The following GRIA2 variants were observed in gnomAD, a reference collection of about 807,000 sequenced individuals.
The protein encoded by GRIA2 is glutamate ionotropic receptor AMPA type subunit 2.
A neutral mutation model predicts 97.3 loss-of-function variants in GRIA2; 14 were observed. That is an observed-to-expected ratio of 0.14 (90% CI 0.10 to 0.23). The LOEUF (loss-of-function observed/expected upper bound fraction) is 0.23. GRIA2 is among the 10% of genes least tolerant of loss of function. GRIA2 has a pLI of 1.00. For missense variants in GRIA2, 558 were observed against 1,069.8 expected (o/e 0.52, Z 6.67); for synonymous variants, 412 against 387.8 (o/e 1.06, Z -0.73).
At chr4:157,229,114 A>G (rs1729887694) in intron 2 of GRIA2, among the ~76,000 whole-genome samples, 1 of 152,176 alleles carries the variant, frequency 6.6e-6, no homozygotes, top group Admixed American at 6.5e-5. Flanking sequence ...TACATTTTAG[A>G]TGGTATCTAG....
At chr4:157,336,993 A>G (rs1278211403) in intron 11 of GRIA2, among the ~76,000 whole-genome samples, 2 of 152,084 alleles carry the variant, frequency 1.3e-5, no homozygotes, top group African/African-American at 4.8e-5. Context: ...TAAAATGCAT[A>G]AGGTTCCTAT....
intron 2 of GRIA2, among the ~76,000 whole-genome samples, chr4:157,230,849 A>C (rs1396213599): frequency 6.6e-6 from 1 of 151,186 alleles, no homozygotes; most frequent in African/African-American, 2.4e-5. Context: ...TTTTCCTTTT[A>C]TTTTATTTTA....
At chr4:157,250,363 T>G (rs1035442489) in intron 2 of GRIA2, among the ~76,000 whole-genome samples, 1 of 152,140 alleles carries the variant, frequency 6.6e-6, no homozygotes, top group Non-Finnish European at 1.5e-5. Flanking sequence ...TGGGCTGTTT[T>G]CTATCTTATC....
At chr4:157,259,862 A>T (rs1271467492) in intron 2 of GRIA2, among the ~76,000 whole-genome samples, 3 of 152,090 alleles carry the variant, frequency 2.0e-5, no homozygotes, top group African/African-American at 4.8e-5. Context: ...TTCTTTTATG[A>T]TACTTAACTA....
At chr4:157,357,484 T>C (rs534730642) in intron 12 of GRIA2, among the ~76,000 whole-genome samples, 78 of 152,260 alleles carry the variant, frequency 5.1e-4, no homozygotes, top group African/African-American at 1.8e-3. Context: ...TTCTGACTTA[T>C]GAAAAAAGTT....
chr4:157,280,874 A>G (rs1210526077), intron 2 of GRIA2, among the ~76,000 whole-genome samples: 1 of 151,974 alleles, frequency 6.6e-6, no homozygotes, highest in Non-Finnish European at 1.5e-5. Flanking sequence ...GTAACAGTCT[A>G]TTGTGGTCTG....
At chr4:157,278,054 T>C (rs1732427763) in intron 2 of GRIA2, among the ~76,000 whole-genome samples, 1 of 151,436 alleles carries the variant, frequency 6.6e-6, no homozygotes, top group South Asian at 2.1e-4. Flanking sequence ...CAACTTGATT[T>C]ATAGATTCAA....
In GRIA2 at chr4:157,303,592, A is replaced by G. The variant is rs1439293449; in HGVS notation, c.270A>G (p.Gly90=). The G allele has an allele frequency of 1.2e-6, 2 of 1,613,502 alleles. No homozygotes were observed. The highest frequency in any genetic ancestry group is 1.7e-5 in the Admixed American group (1 of 59,972). Residue 90 remains glycine, a synonymous_variant, in exon 3 of 16, where the codon GGA becomes GGG. Transcript: ENST00000264426. ...CGAGAGGAGTCTATGCTATTTTTGG[A>G]TTTTATGACAAGAAGTCTGTAAATA... ...QFSRGVYAIF[G]FYDKKSVNTI...
intron 6 of GRIA2, among the ~76,000 whole-genome samples, chr4:157,324,198 T>C (rs1032322855): frequency 6.6e-5 from 10 of 152,190 alleles, no homozygotes; most frequent in African/African-American, 2.2e-4. Flanking sequence ...TTTAACATTT[T>C]ATAATCCCTC....
At chr4:157,273,815 T>C (rs1732149213) in intron 2 of GRIA2, among the ~76,000 whole-genome samples, 2 of 152,038 alleles carry the variant, frequency 1.3e-5, no homozygotes, top group South Asian at 4.2e-4. Flanking sequence ...GAACTAATAA[T>C]GACTGAGAAT....
At chr4:157,240,516 A>G (rs1183499000) in intron 2 of GRIA2, among the ~76,000 whole-genome samples, 2 of 152,040 alleles carry the variant, frequency 1.3e-5, no homozygotes, top group East Asian at 1.9e-4. Flanking sequence ...ATGCCTGGGC[A>G]GCACCCCACT....
chr4:157,221,793 C>A lies in GRIA2; in HGVS notation c.215C>A (p.Ala72Glu). 1 of 1,614,008 alleles carries A rather than the reference C, an allele frequency of 6.2e-7. No individual in the cohort carries two copies. Among genetic ancestry groups the A allele is most frequent in the Non-Finnish European group, 8.5e-7 (1 of 1,179,878 alleles). ...AATTTGGAGGTGGCAAACAGCTTCG[C>A]AGTCACTAATGCTTGTAAGTAATGA... ...IDNLEVANSF[A>E]VTNAFCSQFS... Residue 72 changes from alanine (A) to glutamate (E), a missense_variant, in exon 2 of 16, where the codon GCA becomes GAA. Around this residue, in one of 8 missense-constraint regions of GRIA2, gnomAD observed 96 missense variants for 176.6 expected, o/e 0.54. Coordinates refer to ENST00000264426, the MANE Select transcript of GRIA2 (RefSeq NM_001083619.3).
intron 2 of GRIA2, among the ~76,000 whole-genome samples, chr4:157,244,024 TG>T (rs765226983): frequency 2.0e-4 from 30 of 151,996 alleles, no homozygotes; most frequent in Non-Finnish European, 1.3e-4. Context: ...GAAGACAATA[TG>T]TTAGGTAGGC....
Position 157,321,501 on chromosome 4 carries a change from A to G in GRIA2, c.784A>G (p.Ile262Val), listed in dbSNP as rs1185135556. ...AGGTGCAAATGTCTCTGGATTTCAG[A>G]TAGTGGACTATGATGATTCGTTGGT... is the stretch of plus-strand genomic sequence containing the variant. ...FGGANVSGFQ[I>V]VDYDDSLVSK... is the part of the protein sequence containing the mutation. The change falls in exon 6 of 16, where the codon ATA becomes GTA. Residue 262 changes from isoleucine to valine, a missense_variant. Ile to Val is a conservative substitution (Grantham distance 29). Coordinates refer to ENST00000264426, the MANE Select transcript of GRIA2 (RefSeq NM_001083619.3). 1.9e-6 allele frequency: 3 copies of G among 1,607,756 alleles called. No individual in the cohort carries two copies. The highest frequency in any genetic ancestry group is 3.3e-5 in the Admixed American group (2 of 60,002).
At chr4:157,349,894 CTG>C (rs1735931022) in intron 12 of GRIA2, among the ~76,000 whole-genome samples, 1 of 152,084 alleles carries the variant, frequency 6.6e-6, no homozygotes, top group South Asian at 2.1e-4. Context: ...AGTTCCTTCT[CTG>C]TGGTAATCTC....
intron 10 of GRIA2, 69 bp downstream of exon 10, chr4:157,335,946 C>A: frequency 1.0e-6 from 1 of 968,706 alleles, no homozygotes; most frequent in Admixed American, 2.0e-5. Flanking sequence ...GCTTCCTCTC[C>A]CTGTGAAGTA....
intron 2 of GRIA2, among the ~76,000 whole-genome samples, chr4:157,274,637 G>T (rs1322191288): frequency 6.6e-6 from 1 of 151,012 alleles, no homozygotes; most frequent in South Asian, 2.1e-4. Flanking sequence ...TTGTCCTTGC[G>T]ATAGTTTGCT....
At chr4:157,341,109 G>T (rs1295512268) in intron 11 of GRIA2, among the ~76,000 whole-genome samples, 155 bp from the exon 12 acceptor site, 1 of 151,976 alleles carries the variant, frequency 6.6e-6, no homozygotes, top group Non-Finnish European at 1.5e-5. Flanking sequence ...TGCCCAAAAT[G>T]TTTAATGATT....
chr4:157,356,933 G>T (rs935940937), intron 12 of GRIA2, among the ~76,000 whole-genome samples: 5 of 152,082 alleles, frequency 3.3e-5, no homozygotes, highest in Non-Finnish European at 1.5e-5. Context: ...TTCTGCCATT[G>T]AAAGTAGTGG....
Sources: gnomAD v4.1 joint callset for allele counts (sites outside exome capture counted in the v4.1 genomes callset) on GRCh38, gnomAD v4.1.1 for gene constraint, gnomAD v4.1.1 regional missense constraint, MANE v1.5 for transcripts, NCBI Gene and HGNC (gene_info 2026-07-23, HGNC 2026-07-21) for gene names.